Variants in NRG3 observed in about 807,000 individuals in gnomAD.
NRG3 encodes pro-neuregulin-3, membrane-bound isoform.
NRG3 carries 31 observed loss-of-function variants against 66.9 expected under a neutral mutation model. That is an observed-to-expected ratio of 0.46 (90% CI 0.35 to 0.63). NRG3 has a LOEUF of 0.63. Among genes scored for constraint, NRG3 ranks in the 20% least tolerant of loss-of-function variants. NRG3 has a pLI of 0.00. For synonymous variants in NRG3, 393 were observed against 359.4 expected (o/e 1.09, Z -1.06); for missense variants, 910 against 878.9 (o/e 1.04, Z -0.45).
intron 1 of NRG3, among the ~76,000 whole-genome samples, chr10:82,040,382 T>C (rs4244936): frequency 0.64 from 96,251 of 151,334 alleles, 32,189 homozygotes; most frequent in South Asian, 0.87. Flanking sequence ...TATACACTTA[T>C]ATACATATAT....
chr10:81,987,200 T>G (rs889660832), intron 1 of NRG3, among the ~76,000 whole-genome samples: 2 of 152,094 alleles, frequency 1.3e-5, no homozygotes, highest in Non-Finnish European at 2.9e-5. Flanking sequence ...CAATTCTGCC[T>G]CAGCCTCCCA....
intron 1 of NRG3, among the ~76,000 whole-genome samples, chr10:82,071,218 CAG>C (rs1207507239): frequency 6.6e-6 from 1 of 152,026 alleles, no homozygotes; most frequent in Non-Finnish European, 1.5e-5. Flanking sequence ...AGTGGGCAAA[CAG>C]AGGAAAATTC....
In NRG3 at chr10:82,242,872, G is replaced by A. The variant is rs1189601631; in HGVS notation, c.824-115867G>A. On this transcript the variant is annotated intron_variant, in intron 1 of 8. Transcript: ENST00000372141. ...TGGAAAGGGAATTCTACTGGCAAATGCACAGTCTGTTTCTCACTGATACAC... is the reference window on the plus strand; with the variant it reads ...TGGAAAGGGAATTCTACTGGCAAATACACAGTCTGTTTCTCACTGATACAC... 3.9e-5 allele frequency among the ~76,000 whole-genome samples: 6 copies of A among 152,198 alleles called. No individual in the cohort carries two copies. The South Asian group carries it at 1.2e-3, about 31-fold the overall frequency.
At chr10:82,717,409 T>C (rs1478629396) in intron 2 of NRG3, among the ~76,000 whole-genome samples, 1 of 80,232 alleles carries the variant, frequency 1.2e-5, no homozygotes, top group African/African-American at 4.0e-5. Context: ...TTTTTTTTTT[T>C]TTTTTTTTGA....
intron 2 of NRG3, among the ~76,000 whole-genome samples, chr10:82,697,643 C>A (rs2055498198): frequency 6.6e-6 from 1 of 152,078 alleles, no homozygotes; most frequent in Non-Finnish European, 1.5e-5. Flanking sequence ...GTGGGTACTC[C>A]AACAGCACGT....
At chr10:82,868,969 G>A (rs1463069078) in intron 4 of NRG3, among the ~76,000 whole-genome samples, 2 of 152,174 alleles carry the variant, frequency 1.3e-5, no homozygotes, top group Admixed American at 6.5e-5. Context: ...TGGGATTACA[G>A]ACGTGAGCCA....
chr10:82,567,027 A>G (rs2045451769), intron 2 of NRG3, among the ~76,000 whole-genome samples: 1 of 151,988 alleles, frequency 6.6e-6, no homozygotes, highest in South Asian at 2.1e-4. Flanking sequence ...TACCTGAAGG[A>G]TCCACGCTGT....
intron 2 of NRG3, among the ~76,000 whole-genome samples, chr10:82,457,967 T>C (rs2091348369): frequency 6.6e-6 from 1 of 152,144 alleles, no homozygotes; most frequent in Non-Finnish European, 1.5e-5. Flanking sequence ...AAAGAGCATG[T>C]AATTTGGGTT....
intron 3 of NRG3, among the ~76,000 whole-genome samples, chr10:82,806,027 T>A (rs1201394508): frequency 6.6e-6 from 1 of 152,220 alleles, no homozygotes; most frequent in Non-Finnish European, 1.5e-5. Context: ...TTATCTAATC[T>A]TATTAATAGC....
At chr10:82,312,794 G>C (rs1374141801) in intron 1 of NRG3, among the ~76,000 whole-genome samples, 1 of 151,032 alleles carries the variant, frequency 6.6e-6, no homozygotes, top group East Asian at 1.9e-4. Flanking sequence ...TTTTCTATTT[G>C]TACAGCATTA....
chr10:82,631,267 A>T (rs1458303888), intron 2 of NRG3, among the ~76,000 whole-genome samples: 2 of 152,182 alleles, frequency 1.3e-5, no homozygotes, highest in Non-Finnish European at 2.9e-5. Context: ...ACAGACACCA[A>T]TTCAAATTCC....
At chr10:82,789,499 C>T (rs1174683929) in intron 3 of NRG3, among the ~76,000 whole-genome samples, 1 of 151,944 alleles carries the variant, frequency 6.6e-6, no homozygotes, top group African/African-American at 2.4e-5. Flanking sequence ...GCTACTTGAG[C>T]TCTATTTTGG....
chr10:82,443,494 T>G (rs1245754832), intron 2 of NRG3, among the ~76,000 whole-genome samples: 1 of 152,234 alleles, frequency 6.6e-6, no homozygotes. Flanking sequence ...TAAATTATTT[T>G]GACCAAATAT....
intron 2 of NRG3, among the ~76,000 whole-genome samples, chr10:82,390,685 G>A (rs962843457): frequency 6.6e-6 from 1 of 152,038 alleles, no homozygotes; most frequent in Admixed American, 6.6e-5. Context: ...AAGAGTTTAG[G>A]GGACCAAAAA....
intron 2 of NRG3, among the ~76,000 whole-genome samples, chr10:82,522,893 C>T (rs552570880): frequency 5.6e-4 from 85 of 152,180 alleles, no homozygotes; most frequent in African/African-American, 1.9e-3. Flanking sequence ...TCAGAAAGAC[C>T]CCTGTAGGCC....
chr10:82,362,236 T>G lies in NRG3; in HGVS notation c.953+3368T>G, dbSNP rs865878789. Among the ~76,000 whole-genome samples, 5 of 147,812 alleles carry G rather than the reference T, an allele frequency of 3.4e-5. No homozygotes were observed. In the South Asian group the frequency reaches 1.1e-3, roughly 31 times the overall value. On this transcript the variant is annotated intron_variant, in intron 2 of 8. Coordinates refer to ENST00000372141, the MANE Select transcript of NRG3 (RefSeq NM_001010848.4). Reference sequence around the variant, plus strand: ...CAGTACTTAGAAATTATAAAGCAATTTAATTAAAAAAAAAAAACTTGACAG... The same window carrying G: ...CAGTACTTAGAAATTATAAAGCAATGTAATTAAAAAAAAAAAACTTGACAG...
At chr10:82,485,263 G>A (rs1308922406) in intron 2 of NRG3, among the ~76,000 whole-genome samples, 1 of 151,880 alleles carries the variant, frequency 6.6e-6, no homozygotes, top group East Asian at 1.9e-4. Flanking sequence ...TCAAAGATGA[G>A]CTGATTTTTA....
intron 2 of NRG3, among the ~76,000 whole-genome samples, chr10:82,530,963 A>G (rs2132642715): frequency 6.6e-6 from 1 of 152,030 alleles, no homozygotes; most frequent in South Asian, 2.1e-4. Context: ...TCTTGTTAAA[A>G]TTATTAACAA....
intron 1 of NRG3, among the ~76,000 whole-genome samples, chr10:81,930,210 C>T (rs1236484140): frequency 1.2e-4 from 19 of 152,114 alleles, no homozygotes; most frequent in Admixed American, 1.2e-3. Flanking sequence ...CAATTCAGTT[C>T]TCATAACCAT....
Sources: allele counts gnomAD v4.1 joint callset (sites outside exome capture counted in the v4.1 genomes callset), GRCh38; gene constraint gnomAD v4.1.1; transcripts MANE v1.5; gene names NCBI Gene and HGNC (gene_info 2026-07-23, HGNC 2026-07-21).